ALDH3B2: variants seen among roughly 807,000 people sequenced by gnomAD.
ALDH3B2 encodes aldehyde dehydrogenase 3 family member B2.
In ALDH3B2, 45 loss-of-function variants were observed where a neutral mutation model predicts 36.7. The ratio of observed to expected loss-of-function variants is 1.23; its 90% CI spans 0.97 to 1.57. ALDH3B2 has a LOEUF of 1.57. Among genes scored for constraint, ALDH3B2 ranks in the 40% most tolerant of loss-of-function variants. ALDH3B2 has a pLI of 0.00. For missense variants in ALDH3B2, 464 were observed against 513.3 expected, an observed-to-expected ratio of 0.90 and a Z score of 0.93; for synonymous variants, 217 against 226.5, an observed-to-expected ratio of 0.96 and a Z score of 0.38.
exon 8 of ALDH3B2, chr11:67,664,485 C>G: frequency 1.9e-6 from 3 of 1,614,078 alleles, no homozygotes; most frequent in Non-Finnish European, 2.5e-6. Context: ...TGCACGTTCA[C>G]GATGGGCAGG....
chr11:67,665,189 T>C, intron 7 of ALDH3B2, 96 bp downstream of exon 7: 1 of 1,509,172 alleles, frequency 6.6e-7, no homozygotes, highest in Non-Finnish European at 8.9e-7. Context: ...TGGGGCCGGG[T>C]TTCAGGTGCG....
chr11:67,663,814 T>C (rs1215568496), intron 8 of ALDH3B2, 53 bp from the exon 9 acceptor site: 7 of 1,495,716 alleles, frequency 4.7e-6, no homozygotes, highest in African/African-American at 4.2e-5. Context: ...GAAGAGGGCT[T>C]GAGCCCCGCA....
chr11:67,666,075 T>G, intron 6 of ALDH3B2, 47 bp downstream of exon 6: 2 of 1,272,842 alleles, frequency 1.6e-6, no homozygotes, highest in Non-Finnish European at 2.2e-6. Flanking sequence ...CCCTCTCTCC[T>G]GATGATCCCC....
At chr11:67,676,140 G>A (rs1327069726), upstream of ALDH3B2, among the ~76,000 whole-genome samples, 1 of 152,164 alleles carries the variant, frequency 6.6e-6, no homozygotes, top group African/African-American at 2.4e-5. Context: ...CCAGCTACTC[G>A]GGAGGCTGAG....
At chr11:67,678,709 A>ATG (rs143727542), upstream of ALDH3B2, among the ~76,000 whole-genome samples, 1 of 148,476 alleles carries the variant, frequency 6.7e-6, no homozygotes, top group Non-Finnish European at 1.5e-5. Flanking sequence ...TATGGTGTCT[A>ATG]TATATATATA....
intron 1 of ALDH3B2, among the ~76,000 whole-genome samples, chr11:67,672,796 G>T (rs1480155071): frequency 2.0e-5 from 3 of 151,642 alleles, no homozygotes; most frequent in African/African-American, 7.3e-5. Flanking sequence ...TCACCATGTT[G>T]GCCAGGCTGG....
exon 7 of ALDH3B2, chr11:67,665,338 C>T: frequency 6.2e-7 from 1 of 1,612,380 alleles, no homozygotes; most frequent in Non-Finnish European, 8.5e-7. Flanking sequence ...GCGGCTGCAG[C>T]CCAGCAATGC....
At chr11:67,665,974 G>T in intron 6 of ALDH3B2, 148 bp downstream of exon 6, 1 of 1,117,376 alleles carries the variant, frequency 8.9e-7, no homozygotes, top group Non-Finnish European at 1.3e-6. Flanking sequence ...CCCAGGGCGT[G>T]GCCTATGCAG....
intron 9 of ALDH3B2, 78 bp downstream of exon 9, chr11:67,663,584 A>G: frequency 6.9e-7 from 1 of 1,445,710 alleles, no homozygotes; most frequent in South Asian, 1.3e-5. Context: ...TCAAGGTTGA[A>G]CAGTGAGTGA....
exon 10 of ALDH3B2, chr11:67,662,559 T>C (rs1201868037): frequency 1.3e-5 from 2 of 152,898 alleles, no homozygotes. Context: ...TCCATTTTGG[T>C]TCCAGCAACT....
chr11:67,669,089 G>A (rs1052775925), intron 1 of ALDH3B2, among the ~76,000 whole-genome samples: 14 of 151,502 alleles, frequency 9.2e-5, no homozygotes, highest in African/African-American at 3.2e-4. Context: ...TCGTGTGTCC[G>A]TGTGTCTTTG....
chr11:67,678,657 TGATA>T (rs934678442), upstream of ALDH3B2, among the ~76,000 whole-genome samples: 1 of 148,904 alleles, frequency 6.7e-6, no homozygotes, highest in Non-Finnish European at 1.5e-5. Context: ...ATATACACTA[TGATA>T]TATATATACA....
exon 10 of ALDH3B2, chr11:67,663,257 C>T (rs1268042901): frequency 6.2e-7 from 1 of 1,613,464 alleles, no homozygotes; most frequent in African/African-American, 1.3e-5. Context: ...CCCAGCGTAA[C>T]AGCTGCTGGT....
rs749648863 is a variant in ALDH3B2 at position 67,663,770 on chromosome 11, G to T, written c.874-9C>A. The T allele has an allele frequency of 4.4e-6, 7 of 1,606,890 alleles. No individual in the cohort carries two copies. The Admixed American group carries it at 1.0e-4, about 23-fold the overall frequency. ...AGCATCTGGTTCACAACCTGCCAGGGAGTGAGAAGGTGGGTGTTGGGCTCT... is the reference window on the plus strand; with the variant it reads ...AGCATCTGGTTCACAACCTGCCAGGTAGTGAGAAGGTGGGTGTTGGGCTCT... On this transcript the variant is annotated splice_polypyrimidine_tract_variant and intron_variant, in intron 8 of 9. Transcript: ENST00000349015.
chr11:67,669,955 C>T (rs1412744372), intron 1 of ALDH3B2, among the ~76,000 whole-genome samples: 5 of 74,412 alleles, frequency 6.7e-5, no homozygotes, highest in Non-Finnish European at 7.9e-5. Context: ...TGTGTGTCCA[C>T]GTGTGTCTGT....
At chr11:67,664,684 C>T in intron 7 of ALDH3B2, 122 bp from the exon 8 acceptor site, 1 of 1,378,864 alleles carries the variant, frequency 7.3e-7, no homozygotes. Context: ...GGTCTGACTT[C>T]CCAGCGCTTC....
intron 1 of ALDH3B2, among the ~76,000 whole-genome samples, chr11:67,668,951 ATGTGTGTATGGGTGTCTGTGTCTCTT>A (rs2058545973): frequency 1.9e-5 from 2 of 103,470 alleles, no homozygotes; most frequent in East Asian, 3.4e-4. Context: ...GGGTGTGTGT[ATGTGTGTATGGGTGTCTGTGTCTCTT>A]TGTGTGTATG....
rs372661590 is a variant in ALDH3B2 at position 67,666,557 on chromosome 11, C to G, written c.151+17G>C. The stretch of plus-strand genomic sequence containing the variant: ...TACTGGGCGGGGAGAGCATGGGGTT[C>G]GGAACGCCCTCCTCACCTGCGGCGA... On this transcript the variant is annotated intron_variant, in intron 4 of 9. Transcript: ENST00000349015. 4 of 1,613,520 alleles carry G rather than the reference C, an allele frequency of 2.5e-6. No homozygotes were observed. Among genetic ancestry groups the G allele is most frequent in the Non-Finnish European group, 3.4e-6 (4 of 1,179,722 alleles).
chr11:67,678,941 C>T (rs946400315), upstream of ALDH3B2, among the ~76,000 whole-genome samples: 6 of 151,970 alleles, frequency 3.9e-5, no homozygotes, highest in Non-Finnish European at 5.9e-5. Flanking sequence ...AGCCAAACAT[C>T]GTATGTTTTC....
Sources: allele counts gnomAD v4.1 joint callset (sites outside exome capture counted in the v4.1 genomes callset), GRCh38; gene constraint gnomAD v4.1.1; transcripts MANE v1.5; gene names NCBI Gene and HGNC (gene_info 2026-07-23, HGNC 2026-07-21).